CMIP: variants seen among roughly 807,000 people sequenced by gnomAD.
CMIP encodes the protein C-Maf-inducing protein.
In CMIP, 13 loss-of-function variants were observed where a neutral mutation model predicts 97.3. The observed-to-expected ratio is 0.13, with a 90% CI of 0.09 to 0.21. The LOEUF (loss-of-function observed/expected upper bound fraction) is 0.21. CMIP is among the 10% of genes least tolerant of loss of function. The pLI, the probability that CMIP is intolerant of heterozygous loss-of-function variation, is 1.00. For missense variants in CMIP, 847 were observed against 1,024.9 expected, an observed-to-expected ratio of 0.83 and a Z score of 2.37; for synonymous variants, 538 against 436.3, an observed-to-expected ratio of 1.23 and a Z score of -2.91.
chr16:81,572,290 A>G (rs1002760636), intron 1 of CMIP, among the ~76,000 whole-genome samples: 1 of 152,196 alleles, frequency 6.6e-6, no homozygotes, highest in Admixed American at 6.5e-5. Flanking sequence ...GTTGGCCTGG[A>G]CATCCTCTGA....
intron 3 of CMIP, among the ~76,000 whole-genome samples, chr16:81,626,918 G>A (rs1440562974): frequency 6.7e-6 from 1 of 148,678 alleles, no homozygotes; most frequent in Non-Finnish European, 1.5e-5. Flanking sequence ...TATTTTATGT[G>A]TGTGTTTGTG....
chr16:81,458,983 T>A (rs1906731780), intron 1 of CMIP, among the ~76,000 whole-genome samples: 1 of 152,086 alleles, frequency 6.6e-6, no homozygotes, highest in Admixed American at 6.5e-5. Flanking sequence ...TCATCTCCGC[T>A]GTCACCATCA....
chr16:81,678,732 G>A, intron 10 of CMIP, 104 bp downstream of exon 10: 1 of 614,938 alleles, frequency 1.6e-6, no homozygotes. Flanking sequence ...GCAGGGCCGG[G>A]CATGGTAGAG....
At chr16:81,607,205 CAGG>C (rs1000726984) in intron 1 of CMIP, among the ~76,000 whole-genome samples, 2 of 152,210 alleles carry the variant, frequency 1.3e-5, no homozygotes, top group African/African-American at 4.8e-5. Context: ...GCTTTCTGGG[CAGG>C]AGAAGGTGGT....
At chr16:81,498,944 C>A (rs960095552) in intron 1 of CMIP, among the ~76,000 whole-genome samples, 1 of 152,192 alleles carries the variant, frequency 6.6e-6, no homozygotes, top group Non-Finnish European at 1.5e-5. Context: ...CACATGCATA[C>A]CATTTAGTAG....
At chr16:81,696,764 C>A in intron 14 of CMIP, 97 bp downstream of exon 14, 2 of 1,110,554 alleles carry the variant, frequency 1.8e-6, no homozygotes, top group Non-Finnish European at 2.6e-6. Flanking sequence ...TGGGGCCAGC[C>A]CCGGAGTTTC....
At chr16:81,624,944 G>A (rs759142479) in intron 3 of CMIP, among the ~76,000 whole-genome samples, 28 of 152,208 alleles carry the variant, frequency 1.8e-4, no homozygotes, top group Non-Finnish European at 3.2e-4. Flanking sequence ...CCATGTTGGA[G>A]GAGTTTGCTC....
intron 1 of CMIP, among the ~76,000 whole-genome samples, chr16:81,450,386 G>A (rs1241039520): frequency 2.6e-5 from 4 of 152,188 alleles, no homozygotes; most frequent in Non-Finnish European, 5.9e-5. Flanking sequence ...TTTCCTGGCT[G>A]TGTGACTTTT....
At chr16:81,645,724 C>CCCCACATCCGAGCCCAA in intron 3 of CMIP, 3 of 1,141,912 alleles carry the variant, frequency 2.6e-6, no homozygotes, top group Non-Finnish European at 3.8e-6. Flanking sequence ...GGCTTGGGCT[C>CCCCACATCCGAGCCCAA]GGATGTGGGG....
chr16:81,642,870 T>G (rs1275875264), intron 3 of CMIP, among the ~76,000 whole-genome samples: 1 of 152,046 alleles, frequency 6.6e-6, no homozygotes, highest in Non-Finnish European at 1.5e-5. Flanking sequence ...CACTCCAGCC[T>G]GGGTAACAGA....
intron 1 of CMIP, among the ~76,000 whole-genome samples, chr16:81,474,029 C>A (rs867544901): frequency 6.1e-4 from 93 of 152,232 alleles, no homozygotes; most frequent in African/African-American, 2.1e-3. Flanking sequence ...TTCCTGTGAT[C>A]ATCCCCATTC....
At chr16:81,485,632 C>T (rs1410750771) in intron 1 of CMIP, among the ~76,000 whole-genome samples, 4 of 152,178 alleles carry the variant, frequency 2.6e-5, no homozygotes, top group Admixed American at 6.5e-5. Context: ...TGTATGTTTA[C>T]GCAGCCCGTG....
chr16:81,638,233 C>G (rs184313283), intron 3 of CMIP, among the ~76,000 whole-genome samples: 344 of 152,258 alleles, frequency 2.3e-3, no homozygotes, highest in African/African-American at 8.1e-3. Context: ...CGTGATCTCC[C>G]CATCTCAAGA....
chr16:81,512,410 A>C (rs1367173562), intron 1 of CMIP, among the ~76,000 whole-genome samples: 2 of 152,110 alleles, frequency 1.3e-5, no homozygotes, highest in East Asian at 3.9e-4. Flanking sequence ...ACCAGCAATC[A>C]CTGCTCAGGT....
chr16:81,593,481 A>G (rs564753893), intron 1 of CMIP, among the ~76,000 whole-genome samples: 2 of 152,238 alleles, frequency 1.3e-5, no homozygotes, highest in South Asian at 2.1e-4. Context: ...CTTGCCATCC[A>G]TCATGTGGAG....
At chr16:81,488,219 G>T (rs925580848) in intron 1 of CMIP, among the ~76,000 whole-genome samples, 1 of 152,116 alleles carries the variant, frequency 6.6e-6, no homozygotes, top group Non-Finnish European at 1.5e-5. Context: ...AGCTGAGAGA[G>T]TGCGACCGTA....
At position 81,557,440 on chromosome 16, in the gene CMIP, T is replaced by G. The variant is rs56665141; in HGVS notation, c.301-50127T>G. On this transcript the variant is annotated intron_variant, in intron 1 of 20. Coordinates refer to ENST00000537098, the MANE Select transcript of CMIP (RefSeq NM_198390.3). The stretch of plus-strand genomic sequence containing the variant: ...CAGCCTCTTCGTTCTTTTTTTCTAA[T>G]TGACAAACAATAGTTGTATGTATTA... Among the ~76,000 whole-genome samples the G allele has an allele frequency of 1.0e-3, 157 of 152,330 alleles. 1 individual carries two copies. The highest frequency in any genetic ancestry group is 3.7e-3 in the African/African-American group (152 of 41,568).
At chr16:81,582,956 G>A (rs770493349) in intron 1 of CMIP, among the ~76,000 whole-genome samples, 10 of 152,196 alleles carry the variant, frequency 6.6e-5, no homozygotes, top group Non-Finnish European at 1.0e-4. Flanking sequence ...GTGGCAGTGT[G>A]GGGTAGCAGA....
chr16:81,702,748 C>A, intron 17 of CMIP, 79 bp downstream of exon 17: 2 of 1,320,488 alleles, frequency 1.5e-6, no homozygotes, highest in Non-Finnish European at 2.2e-6. Flanking sequence ...CAGGTGGTGT[C>A]TGCTGCTGAG....
Sources: gnomAD v4.1 joint callset for allele counts (sites outside exome capture counted in the v4.1 genomes callset) on GRCh38, gnomAD v4.1.1 for gene constraint, MANE v1.5 for transcripts, NCBI Gene and HGNC (gene_info 2026-07-23, HGNC 2026-07-21) for gene names.